The following PIP5K1B variants were observed in gnomAD, a reference collection of about 807,000 sequenced individuals.
PIP5K1B encodes phosphatidylinositol 4-phosphate 5-kinase type-1 beta.
Under a neutral mutation model 67.0 loss-of-function variants are expected in PIP5K1B, and 42 were observed. The observed-to-expected ratio is 0.63, with a 90% CI of 0.49 to 0.81. The LOEUF (loss-of-function observed/expected upper bound fraction) is 0.81. Among genes scored for constraint, PIP5K1B ranks in the 30% least tolerant of loss-of-function variants. The pLI, the probability that PIP5K1B is intolerant of heterozygous loss-of-function variation, is 0.00. For synonymous variants in PIP5K1B, 214 were observed against 231.4 expected (o/e 0.92, Z 0.68); for missense variants, 459 against 646.3 (o/e 0.71, Z 3.14).
chr9:68,732,539 T>G (rs56179104), intron 1 of PIP5K1B, among the ~76,000 whole-genome samples: 4,930 of 152,270 alleles, frequency 0.032, 263 homozygotes, highest in African/African-American at 0.11. Flanking sequence ...CTCTGGAAAT[T>G]CAGAACTTTG....
At chr9:68,778,355 C>T (rs1831028747) in intron 2 of PIP5K1B, among the ~76,000 whole-genome samples, 1 of 152,132 alleles carries the variant, frequency 6.6e-6, no homozygotes, top group African/African-American at 2.4e-5. Flanking sequence ...GTTCTTTCCA[C>T]CTTGTGTTCT....
intron 14 of PIP5K1B, among the ~76,000 whole-genome samples, chr9:68,955,427 T>A (rs1482409317): frequency 3.9e-5 from 6 of 152,252 alleles, no homozygotes; most frequent in African/African-American, 1.4e-4. Context: ...AGCTCCCCAG[T>A]TTGCTCTTGT....
chr9:68,765,645 T>C lies in PIP5K1B; in HGVS notation c.-86+22988T>C, dbSNP rs540551811. ...TGTGTTTAGAGAGATACTAATAGAT[T>C]AGAGAAAGTGATTTGCCATTTATTG... On this transcript the variant is annotated intron_variant, in intron 2 of 15. Transcript: ENST00000265382. Among the ~76,000 whole-genome samples the C allele has an allele frequency of 4.3e-4, 66 of 152,288 alleles. 1 individual carries two copies. Among genetic ancestry groups the C allele is most frequent in the Middle Eastern group, 3.4e-3 (1 of 294 alleles).
At chr9:69,002,314 C>T (rs1830857675) in intron 15 of PIP5K1B, among the ~76,000 whole-genome samples, 1 of 152,214 alleles carries the variant, frequency 6.6e-6, no homozygotes, top group African/African-American at 2.4e-5. Context: ...AATGCTGCGT[C>T]CAAATATATT....
intron 5 of PIP5K1B, 32 bp from the exon 6 acceptor site, chr9:68,876,645 C>A: frequency 1.7e-6 from 2 of 1,201,240 alleles, no homozygotes; most frequent in Admixed American, 1.7e-5. Flanking sequence ...TGTGTTCTTT[C>A]TTTCTCTCTC....
intron 1 of PIP5K1B, among the ~76,000 whole-genome samples, chr9:68,737,699 A>G (rs79040070): frequency 2.2e-3 from 340 of 152,358 alleles, no homozygotes; most frequent in African/African-American, 7.9e-3. Flanking sequence ...ATGTTGTTCT[A>G]TATAGCTTTT....
chr9:69,005,117 TA>T (rs397705398), intron 15 of PIP5K1B, among the ~76,000 whole-genome samples: 1,693 of 145,552 alleles, frequency 0.012, 33 homozygotes, highest in African/African-American at 0.039. Context: ...ATCCTTAGTT[TA>T]AAAAAAAAAA....
intron 4 of PIP5K1B, among the ~76,000 whole-genome samples, chr9:68,837,816 A>G (rs1821703283): frequency 6.6e-6 from 1 of 151,444 alleles, no homozygotes; most frequent in Admixed American, 6.6e-5. Flanking sequence ...CTCTAATTGA[A>G]CTTTAGAATT....
At chr9:68,824,936 A>G (rs1833907179) in intron 4 of PIP5K1B, among the ~76,000 whole-genome samples, 1 of 152,232 alleles carries the variant, frequency 6.6e-6, no homozygotes, top group Admixed American at 6.5e-5. Context: ...AATGAATTTC[A>G]GAATGGGAAA....
chr9:68,813,702 T>A (rs184134541), intron 2 of PIP5K1B, among the ~76,000 whole-genome samples: 8 of 151,972 alleles, frequency 5.3e-5, no homozygotes, highest in Admixed American at 6.6e-5. Flanking sequence ...AAGAGGAAAA[T>A]GCCACATGAA....
chr9:68,751,538 T>C (rs2132351932), intron 2 of PIP5K1B, among the ~76,000 whole-genome samples: 1 of 152,302 alleles, frequency 6.6e-6, no homozygotes, highest in South Asian at 2.1e-4. Context: ...GTAATAAAAG[T>C]CCAGCTACTA....
At chr9:68,882,739 A>G (rs1170754135) in intron 6 of PIP5K1B, among the ~76,000 whole-genome samples, 1 of 152,254 alleles carries the variant, frequency 6.6e-6, no homozygotes, top group Non-Finnish European at 1.5e-5. Flanking sequence ...CCATGGAACA[A>G]AGAATCCAAA....
chr9:68,995,011 G>A (rs184415136), intron 15 of PIP5K1B, among the ~76,000 whole-genome samples: 294 of 152,044 alleles, frequency 1.9e-3, no homozygotes, highest in African/African-American at 6.6e-3. Context: ...ATGCTTGGTG[G>A]TGCATGCCTG....
intron 12 of PIP5K1B, among the ~76,000 whole-genome samples, chr9:68,926,737 A>G (rs1826725009): frequency 1.3e-5 from 2 of 152,008 alleles, no homozygotes; most frequent in Non-Finnish European, 2.9e-5. Flanking sequence ...ACACCCAGCT[A>G]ATTTTTGTAT....
chr9:68,977,211 T>C (rs544898246), intron 14 of PIP5K1B, among the ~76,000 whole-genome samples: 74 of 152,338 alleles, frequency 4.9e-4, no homozygotes, highest in African/African-American at 1.8e-3. Flanking sequence ...CATCCAGTAT[T>C]GTGAAGCTTA....
At chr9:68,866,481 CATA>C (rs1823360966) in intron 5 of PIP5K1B, among the ~76,000 whole-genome samples, 1 of 151,598 alleles carries the variant, frequency 6.6e-6, no homozygotes, top group Admixed American at 6.6e-5. Flanking sequence ...AAAAATACTA[CATA>C]ATAAATATAA....
At chr9:68,892,843 GGAGGATCACTTGAGGTCAGGAGTTC>G (rs1470693583) in intron 7 of PIP5K1B, among the ~76,000 whole-genome samples, 1 of 152,174 alleles carries the variant, frequency 6.6e-6, no homozygotes, top group African/African-American at 2.4e-5. Flanking sequence ...GGCCAAGGCA[GGAGGATCACTTGAGGTCAGGAGTTC>G]GAGACCAGCC....
intron 14 of PIP5K1B, chr9:68,963,341 A>G (rs1194122253): frequency 2.5e-6 from 1 of 401,692 alleles, no homozygotes; most frequent in Non-Finnish European, 5.0e-6. Flanking sequence ...CATCTCTACT[A>G]AAAATACAAA....
intron 12 of PIP5K1B, among the ~76,000 whole-genome samples, chr9:68,928,973 A>G (rs907050687): frequency 3.3e-5 from 5 of 152,050 alleles, no homozygotes; most frequent in Non-Finnish European, 5.9e-5. Context: ...GACCAGCCTG[A>G]CCAACGTGGT....
Sources: gnomAD v4.1 joint callset for allele counts (sites outside exome capture counted in the v4.1 genomes callset) on GRCh38, gnomAD v4.1.1 for gene constraint, MANE v1.5 for transcripts, NCBI Gene and HGNC (gene_info 2026-07-23, HGNC 2026-07-21) for gene names.